Variants in ERO1A observed in about 807,000 individuals in gnomAD.
ERO1A encodes endoplasmic reticulum oxidoreductase 1 alpha.
A neutral mutation model predicts 76.9 loss-of-function variants in ERO1A; 49 were observed. The ratio of observed to expected loss-of-function variants is 0.64; its 90% CI spans 0.51 to 0.81. ERO1A has a LOEUF of 0.81. Among genes scored for constraint, ERO1A ranks in the 30% least tolerant of loss-of-function variants. The pLI is 0.00. For missense variants in ERO1A, 448 were observed against 542.1 expected (o/e 0.83, Z 1.72); for synonymous variants, 174 against 181.2 (o/e 0.96, Z 0.32).
At chr14:52,695,241 G>A (rs1188049377) in intron 1 of ERO1A, 127 bp downstream of exon 1, 3 of 598,006 alleles carry the variant, frequency 5.0e-6, no homozygotes, top group South Asian at 4.8e-5. Flanking sequence ...CAGCAGCACC[G>A]GAGTCTCATT....
intron 1 of ERO1A, among the ~76,000 whole-genome samples, chr14:52,691,586 T>G (rs1160155009): frequency 6.6e-6 from 1 of 152,198 alleles, no homozygotes; most frequent in Non-Finnish European, 1.5e-5. Context: ...GGCTAACAAT[T>G]AAAACCATTG....
At chr14:52,686,334 C>T (rs2041174654) in intron 1 of ERO1A, among the ~76,000 whole-genome samples, 1 of 152,162 alleles carries the variant, frequency 6.6e-6, no homozygotes, top group South Asian at 2.1e-4. Context: ...CACCATGTCA[C>T]CTATGGTGTG....
In ERO1A at chr14:52,678,481, G is replaced by GA. The variant is rs553677997; in HGVS notation, c.319-10dup. 6.8e-6 allele frequency: 11 copies of GA among 1,608,580 alleles called. No homozygotes were observed. Among genetic ancestry groups the GA allele is most frequent in the South Asian group, 3.3e-5 (3 of 90,884 alleles). ...CCATCAGGAACTTCATCCTGAAAAAGAAAAAAATATGTTTTTAGTTGGCAT... is the reference window on the plus strand; with the variant it reads ...CCATCAGGAACTTCATCCTGAAAAAGAAAAAAAATATGTTTTTAGTTGGCAT... On this transcript the variant is annotated splice_polypyrimidine_tract_variant and intron_variant, in intron 3 of 15. Coordinates refer to ENST00000395686, the MANE Select transcript of ERO1A (RefSeq NM_014584.3).
rs1221836273 is a variant in ERO1A, at chr14:52,689,677, A to G, written c.114+5691T>C. 2.0e-5 allele frequency among the ~76,000 whole-genome samples: 3 copies of G among 152,318 alleles called. No homozygotes were observed. The East Asian group carries it at 5.8e-4, about 29-fold the overall frequency. The stretch of plus-strand genomic sequence containing the variant: ...AAAGATATCCCATGTTCATAAATTG[A>G]GAGAATTAATATTGTTAAAAAGCCC... On this transcript the variant is annotated intron_variant, in intron 1 of 15. Transcript: ENST00000395686.
intron 11 of ERO1A, among the ~76,000 whole-genome samples, chr14:52,655,322 A>C (rs2139656391): frequency 6.6e-6 from 1 of 152,062 alleles, no homozygotes; most frequent in South Asian, 2.1e-4. Context: ...CCAAGATTGC[A>C]CCACTGCACT....
intron 11 of ERO1A, among the ~76,000 whole-genome samples, chr14:52,654,255 G>GT (rs2039971136): frequency 6.6e-6 from 1 of 151,832 alleles, no homozygotes; most frequent in African/African-American, 2.4e-5. Context: ...AGTTTATGAG[G>GT]TATTATGTGA....
chr14:52,661,397 GGTTA>G lies in ERO1A; in HGVS notation c.677-97_677-94del, dbSNP rs1302444251. The G allele has an allele frequency of 2.9e-6, 3 of 1,047,352 alleles. No individual in the cohort carries two copies. The South Asian group carries it at 6.7e-5, about 23-fold the overall frequency. 64.9% of individuals were successfully genotyped at this position (1,047,352 alleles called of 1,614,324 possible). On this transcript the variant is annotated intron_variant, in intron 8 of 15. Transcript: ENST00000395686. ...TTCATAAAAATAAGACTTTAATAAT[GGTTA>G]GTTTTAGTCCAACAGTTCATTCACA...
At chr14:52,660,913 T>C (rs527274805) in intron 9 of ERO1A, among the ~76,000 whole-genome samples, 13 of 152,316 alleles carry the variant, frequency 8.5e-5, no homozygotes, top group Non-Finnish European at 1.2e-4. Flanking sequence ...AAGCCAGCTC[T>C]GAAATCAATA....
intron 1 of ERO1A, among the ~76,000 whole-genome samples, chr14:52,685,703 T>C (rs953434299): frequency 6.6e-5 from 10 of 152,178 alleles, no homozygotes; most frequent in Admixed American, 3.3e-4. Context: ...TTAAAATATA[T>C]CTTCAAGCCT....
At chr14:52,652,375 C>T (rs930271885) in intron 12 of ERO1A, 67 bp from the exon 13 acceptor site, 30 of 1,027,880 alleles carry the variant, frequency 2.9e-5, no homozygotes, top group Admixed American at 1.6e-4. Flanking sequence ...GCTAATACAA[C>T]ATTTTACTGG....
intron 2 of ERO1A, among the ~76,000 whole-genome samples, chr14:52,683,302 A>T (rs1389790421): frequency 6.8e-6 from 1 of 147,388 alleles, no homozygotes; most frequent in East Asian, 2.0e-4. Context: ...TTCAAACAAG[A>T]AAGAGTTAAC....
chr14:52,647,467 A>C (rs2039710326), intron 13 of ERO1A, among the ~76,000 whole-genome samples: 1 of 152,076 alleles, frequency 6.6e-6, no homozygotes, highest in African/African-American at 2.4e-5. Flanking sequence ...AAAATTTGTC[A>C]CAAGTACAAT....
At chr14:52,683,450 T>C (rs966080130) in intron 2 of ERO1A, among the ~76,000 whole-genome samples, 4 of 152,198 alleles carry the variant, frequency 2.6e-5, no homozygotes, top group African/African-American at 9.6e-5. Flanking sequence ...GATAAAGTCA[T>C]GATTCTACAA....
At position 52,643,142 on chromosome 14, in the gene ERO1A, A is replaced by C. The variant is rs1471590717; in HGVS notation, c.*428T>G. 6.6e-6 allele frequency: 1 copy of C among 152,622 alleles called. No homozygotes were observed. Among genetic ancestry groups the C allele is most frequent in the African/African-American group, 2.4e-5 (1 of 41,480 alleles). The allele number at this position is 152,622 out of a possible 1,614,324, so 9.5% of individuals were successfully genotyped here. On this transcript the variant is annotated 3_prime_UTR_variant, in exon 16 of 16. Transcript: ENST00000395686. ...TGCTAAATCCAGCAACCCTAAATGTACTGAAAAATTCTACGTTGGTAATTA... is the reference window on the plus strand; with the variant it reads ...TGCTAAATCCAGCAACCCTAAATGTCCTGAAAAATTCTACGTTGGTAATTA...
At chr14:52,672,776 C>CAAAAAA (rs1226719026) in intron 4 of ERO1A, among the ~76,000 whole-genome samples, 12 of 61,060 alleles carry the variant, frequency 2.0e-4, no homozygotes, top group Non-Finnish European at 3.2e-4. Context: ...TGTCTCTGAC[C>CAAAAAA]AAAAAAAAAA....
chr14:52,658,201 A>G (rs747656385), intron 9 of ERO1A, 51 bp from the exon 10 acceptor site: 2 of 1,318,682 alleles, frequency 1.5e-6, no homozygotes, highest in African/African-American at 3.0e-5. Context: ...GCCAAAATAC[A>G]AGTTTTTCAA....
rs752503026 is a variant in ERO1A at position 52,642,771 on chromosome 14, T to G, written c.*799A>C. ...TTGGAAATTATATAAAAATAAAAAG[T>G]GTTCCCCAAATTTTATTTAGTATTA... On this transcript the variant is annotated 3_prime_UTR_variant, in exon 16 of 16. Coordinates refer to ENST00000395686, the MANE Select transcript of ERO1A (RefSeq NM_014584.3). The G allele has an allele frequency of 6.6e-6, 1 of 152,558 alleles. No individual in the cohort carries two copies. Among genetic ancestry groups the G allele is most frequent in the African/African-American group, 2.4e-5 (1 of 41,444 alleles). 9.5% of individuals were successfully genotyped at this position (152,558 alleles called of 1,614,324 possible). A position where few individuals can be genotyped will look rare whatever the true frequency, so the allele number is the denominator to read the frequency against.
intron 12 of ERO1A, 23 bp downstream of exon 12, chr14:52,653,039 TTAATGTA>T (rs1204508319): frequency 4.3e-6 from 6 of 1,394,362 alleles, no homozygotes; most frequent in Non-Finnish European, 5.9e-6. Context: ...CACTCTTCTA[TTAATGTA>T]TAAAGTTTAA....
intron 1 of ERO1A, among the ~76,000 whole-genome samples, chr14:52,693,179 T>G (rs956837611): frequency 7.9e-5 from 12 of 152,034 alleles, no homozygotes; most frequent in African/African-American, 1.2e-4. Flanking sequence ...CAGGCTAGAG[T>G]GCACTGATGC....
Sources: allele counts gnomAD v4.1 joint callset (sites outside exome capture counted in the v4.1 genomes callset), GRCh38; gene constraint gnomAD v4.1.1; transcripts MANE v1.5; gene names NCBI Gene and HGNC (gene_info 2026-07-23, HGNC 2026-07-21).